CEP112: variants seen among roughly 807,000 people sequenced by gnomAD.
CEP112 encodes the protein centrosomal protein 112, also known as centrosomal protein of 112 kDa.
In CEP112, 127 loss-of-function variants were observed where a neutral mutation model predicts 153.0. That is an observed-to-expected ratio of 0.83 (90% CI 0.72 to 0.96). The LOEUF is 0.96. Ranked by LOEUF, CEP112 falls within the 40% of genes least tolerant of loss-of-function variation. The pLI is 0.00. For missense variants in CEP112, 1,089 were observed against 1,101.2 expected, an observed-to-expected ratio of 0.99 and a Z score of 0.16; for synonymous variants, 358 against 374.4, an observed-to-expected ratio of 0.96 and a Z score of 0.51.
chr17:66,151,914 A>G, intron 4 of CEP112, among the ~76,000 whole-genome samples: 1 of 152,328 alleles, frequency 6.6e-6, no homozygotes, highest in East Asian at 1.9e-4. Context: ...AAATTTTAAA[A>G]AAATTAAAAA....
chr17:66,132,209 A>C (rs1373589381), intron 5 of CEP112, among the ~76,000 whole-genome samples: 1 of 144,266 alleles, frequency 6.9e-6, no homozygotes, highest in Non-Finnish European at 1.5e-5. Context: ...AAAAAAGCTA[A>C]CTGGAGTGCT....
chr17:65,697,991 G>GT (rs142168796), intron 23 of CEP112, among the ~76,000 whole-genome samples: 1 of 151,314 alleles, frequency 6.6e-6, no homozygotes, highest in Non-Finnish European at 1.5e-5. Flanking sequence ...CAGGTTTTCA[G>GT]TTTTTTTTCA....
intron 17 of CEP112, among the ~76,000 whole-genome samples, chr17:65,989,478 G>GAA (rs35229880): frequency 0.56 from 82,444 of 146,488 alleles, 24,030 homozygotes; most frequent in African/African-American, 0.66. Context: ...AGTTCAGAAA[G>GAA]AAAAAAAAAA....
At chr17:66,176,585 T>C (rs184027446) in intron 3 of CEP112, 167 of 317,704 alleles carry the variant, frequency 5.3e-4, no homozygotes, top group African/African-American at 3.4e-3. Context: ...AAAATTTCGT[T>C]TTCAGTTTTT....
At chr17:66,190,051 C>T (rs539561038) in intron 1 of CEP112, among the ~76,000 whole-genome samples, 17 of 151,344 alleles carry the variant, frequency 1.1e-4, no homozygotes, top group African/African-American at 3.4e-4. Flanking sequence ...GAAAATGGAA[C>T]GGGTGCAGTG....
intron 4 of CEP112, among the ~76,000 whole-genome samples, chr17:66,137,191 CTG>C (rs2070472661): frequency 6.6e-6 from 1 of 151,852 alleles, no homozygotes; most frequent in South Asian, 2.1e-4. Context: ...AATACAATAA[CTG>C]AACTAAAAAC....
intron 23 of CEP112, among the ~76,000 whole-genome samples, chr17:65,724,576 ATATACT>A (rs771598133): frequency 4.6e-5 from 7 of 152,222 alleles, no homozygotes; most frequent in South Asian, 2.1e-4. Context: ...CTATTGGAAA[ATATACT>A]TATATATGCA....
chr17:66,078,236 CTTTT>C (rs373372694), intron 8 of CEP112, among the ~76,000 whole-genome samples: 1 of 146,264 alleles, frequency 6.8e-6, no homozygotes, highest in Non-Finnish European at 1.5e-5. Context: ...GCTTTTGTAT[CTTTT>C]TTTTTTCTTT....
intron 21 of CEP112, chr17:65,826,086 T>C: frequency 6.3e-7 from 1 of 1,577,814 alleles, no homozygotes. Flanking sequence ...ATGAGATTTA[T>C]TTTTTCAGCA....
intron 4 of CEP112, among the ~76,000 whole-genome samples, chr17:66,168,547 G>GTA (rs140897554): frequency 4.2e-4 from 62 of 148,982 alleles, no homozygotes; most frequent in East Asian, 1.6e-3. Flanking sequence ...GTGTGTGTGT[G>GTA]TATATATATA....
intron 8 of CEP112, among the ~76,000 whole-genome samples, chr17:66,081,446 TG>T (rs2067713838): frequency 1.3e-5 from 2 of 152,198 alleles, no homozygotes; most frequent in Admixed American, 1.3e-4. Context: ...GCATTTACAA[TG>T]GCATTTCTTT....
chr17:65,771,298 G>A (rs551021404), intron 21 of CEP112, among the ~76,000 whole-genome samples: 4 of 152,132 alleles, frequency 2.6e-5, no homozygotes, highest in South Asian at 2.1e-4. Context: ...ATACAGAGGG[G>A]CATTTCACAA....
At chr17:65,983,577 TAA>T (rs1303632341) in intron 17 of CEP112, among the ~76,000 whole-genome samples, 4 of 152,224 alleles carry the variant, frequency 2.6e-5, no homozygotes, top group African/African-American at 9.6e-5. Flanking sequence ...GATAGTTGTT[TAA>T]AAGAGTGTGG....
At chr17:66,189,278 A>G (rs1598531568) in intron 1 of CEP112, among the ~76,000 whole-genome samples, 1 of 152,140 alleles carries the variant, frequency 6.6e-6, no homozygotes, top group Non-Finnish European at 1.5e-5. Context: ...AGGCAGGCGG[A>G]TAACTTGAGG....
intron 23 of CEP112, among the ~76,000 whole-genome samples, chr17:65,741,762 T>G (rs2051151906): frequency 6.6e-6 from 1 of 152,000 alleles, no homozygotes; most frequent in African/African-American, 2.4e-5. Context: ...GAAATGCACT[T>G]AATATTTAAA....
In CEP112 at chr17:65,826,271, G is replaced by A. The variant is rs765526217; in HGVS notation, c.2394+25533C>T. 1.9e-6 allele frequency: 3 copies of A among 1,613,898 alleles called. No homozygotes were observed. In the African/African-American group the frequency reaches 4.0e-5, roughly 22 times the overall value. Reference sequence around the variant, plus strand: ...CAGGGCTTGGTTTTCCTTGGCAGATGGATGGTCTAAACTCAGAGAAGCCCA... The same window carrying A: ...CAGGGCTTGGTTTTCCTTGGCAGATAGATGGTCTAAACTCAGAGAAGCCCA... On this transcript the variant is annotated intron_variant, in intron 21 of 26. Coordinates refer to ENST00000535342, the MANE Select transcript of CEP112 (RefSeq NM_001199165.4).
At chr17:65,759,231 A>T (rs1012555981) in intron 21 of CEP112, among the ~76,000 whole-genome samples, 10 of 152,186 alleles carry the variant, frequency 6.6e-5, no homozygotes, top group Non-Finnish European at 4.4e-5. Context: ...TAATCAAGAA[A>T]TAACCATAAA....
intron 23 of CEP112, among the ~76,000 whole-genome samples, chr17:65,710,926 TA>T (rs1410246666): frequency 6.6e-6 from 1 of 152,236 alleles, no homozygotes; most frequent in Non-Finnish European, 1.5e-5. Context: ...GTCTAAAAAC[TA>T]ATTAATTCCT....
intron 19 of CEP112, among the ~76,000 whole-genome samples, chr17:65,905,926 C>T (rs935950715): frequency 1.3e-5 from 2 of 151,352 alleles, no homozygotes; most frequent in African/African-American, 4.9e-5. Flanking sequence ...GCCTGGGCAA[C>T]AGGGCCAGAC....
Sources: gnomAD v4.1 joint callset for allele counts (sites outside exome capture counted in the v4.1 genomes callset) on GRCh38, gnomAD v4.1.1 for gene constraint, MANE v1.5 for transcripts, NCBI Gene and HGNC (gene_info 2026-07-23, HGNC 2026-07-21) for gene names.